Variants in ASB13 observed in about 807,000 individuals in gnomAD.
ASB13 encodes the protein ankyrin repeat and SOCS box protein 13.
ASB13 carries 33 observed loss-of-function variants against 28.8 expected under a neutral mutation model. The ratio of observed to expected loss-of-function variants is 1.15; its 90% CI spans 0.87 to 1.53. The LOEUF (loss-of-function observed/expected upper bound fraction) is 1.53. Among genes scored for constraint, ASB13 ranks in the 40% most tolerant of loss-of-function variants. The pLI is 0.00. For missense variants in ASB13, 414 were observed against 390.1 expected, an observed-to-expected ratio of 1.06 and a Z score of -0.52; for synonymous variants, 182 against 172.9, an observed-to-expected ratio of 1.05 and a Z score of -0.41.
Position 5,642,064 on chromosome 10 carries a change from C to T in ASB13, c.518-103G>A. 1 of 1,149,384 alleles carries T rather than the reference C, an allele frequency of 8.7e-7. No individual in the cohort carries two copies. Among genetic ancestry groups the T allele is most frequent in the Non-Finnish European group, 1.2e-6 (1 of 806,526 alleles). 71.2% of individuals were successfully genotyped at this position (1,149,384 alleles called of 1,614,324 possible). A position where few individuals can be genotyped will look rare whatever the true frequency, so the allele number is the denominator to read the frequency against. On this transcript the variant is annotated intron_variant, in intron 4 of 5. Coordinates refer to ENST00000357700, the MANE Select transcript of ASB13 (RefSeq NM_024701.4). The surrounding 1 kb of genome is among the most constrained non-coding windows in gnomAD (Gnocchi z 4.1). ...ACACAGCACGGTGGCAGAAGCAATCCCCACCCAGAAGACAAAATCAGGACA... is the reference window on the plus strand; with the variant it reads ...ACACAGCACGGTGGCAGAAGCAATCTCCACCCAGAAGACAAAATCAGGACA...
chr10:5,662,565 G>GGAGAACAGAAGAGAAGAGAAGAGAA (rs1835187999), intron 1 of ASB13, among the ~76,000 whole-genome samples: 1 of 14,560 alleles, frequency 6.9e-5, no homozygotes, highest in Non-Finnish European at 1.3e-4. Flanking sequence ...GGAGGGGAGG[G>GGAGAACAGAAGAGAAGAGAAGAGAA]GAGAAGAGAA....
chr10:5,662,536 G>GAGGC (rs1455291280), intron 1 of ASB13, among the ~76,000 whole-genome samples: 1 of 49,376 alleles, frequency 2.0e-5, no homozygotes, highest in Admixed American at 1.5e-4. Context: ...TCGAGAAGGG[G>GAGGC]GGGGGAGGGG....
chr10:5,654,007 T>A (rs1835032028), intron 1 of ASB13, among the ~76,000 whole-genome samples: 1 of 152,012 alleles, frequency 6.6e-6, no homozygotes, highest in Admixed American at 6.6e-5. Context: ...CTTGTTGAAT[T>A]GCTCTGGCTA....
intron 1 of ASB13, among the ~76,000 whole-genome samples, chr10:5,662,867 C>T (rs576732959): frequency 1.3e-5 from 2 of 152,266 alleles, no homozygotes; most frequent in African/African-American, 4.8e-5. Flanking sequence ...ACGCATGGCA[C>T]TTAACCACTA....
At chr10:5,662,542 AGGGG>A (rs1835186377) in intron 1 of ASB13, among the ~76,000 whole-genome samples, 1 of 11,814 alleles carries the variant, frequency 8.5e-5, no homozygotes, top group African/African-American at 3.8e-4. Flanking sequence ...AGGGGGGGGG[AGGGG>A]AGGGGAGGGG....
intron 1 of ASB13, among the ~76,000 whole-genome samples, chr10:5,654,171 A>G (rs1181468933): frequency 7.3e-4 from 107 of 146,472 alleles, no homozygotes; most frequent in Non-Finnish European, 1.2e-3. Context: ...GTCTCAGTCA[A>G]TCATAGGGAT....
In ASB13 at chr10:5,641,165, A is replaced by G. The variant is rs1317929448; in HGVS notation, c.710-335T>C. Among the ~76,000 whole-genome samples the G allele has an allele frequency of 2.0e-5, 3 of 152,124 alleles. No individual in the cohort carries two copies. The highest frequency in any genetic ancestry group is 4.4e-5 in the Non-Finnish European group (3 of 68,000). On this transcript the variant is annotated intron_variant, in intron 5 of 5. Transcript: ENST00000357700. This position sits in a 1 kb window ranked among gnomAD's most constrained non-coding sequence, Gnocchi z 8.4. Reference sequence around the variant, plus strand: ...CACCCAGGCTGGAGTGCAGCGGCACAATCTCAGCTCACTGCAACCTCCGCC... The same window carrying G: ...CACCCAGGCTGGAGTGCAGCGGCACGATCTCAGCTCACTGCAACCTCCGCC...
Position 5,644,011 on chromosome 10 carries a change from T to C in ASB13, c.518-2050A>G, listed in dbSNP as rs1834846097. Among the ~76,000 whole-genome samples, 1 of 152,118 alleles carries C rather than the reference T, an allele frequency of 6.6e-6. No individual in the cohort carries two copies. Among genetic ancestry groups the C allele is most frequent in the South Asian group, 2.1e-4 (1 of 4,824 alleles). On this transcript the variant is annotated intron_variant, in intron 4 of 5. Transcript: ENST00000357700. The surrounding 1 kb of genome is among the most constrained non-coding windows in gnomAD (Gnocchi z 5.1). ...AATGTACATCTTTTCAAAATGTGTG[T>C]TTGGCATCATTTGATTGGGTGGAAG...
At chr10:5,653,257 G>A (rs564986864) in intron 1 of ASB13, among the ~76,000 whole-genome samples, 11 of 152,156 alleles carry the variant, frequency 7.2e-5, no homozygotes, top group South Asian at 4.1e-4. Flanking sequence ...AAGGGGCTCC[G>A]TCCTGTGGAC....
In ASB13 at chr10:5,641,534, G is replaced by A. The variant is rs1216966058; in HGVS notation, c.709+236C>T. On this transcript the variant is annotated intron_variant, in intron 5 of 5. Coordinates refer to ENST00000357700, the MANE Select transcript of ASB13 (RefSeq NM_024701.4). This position sits in a 1 kb window ranked among gnomAD's most constrained non-coding sequence, Gnocchi z 8.4. ...ACAGGAGGCACAGGTCTGGTGCCCG[G>A]GCAGGTGTCGGCCACAGCTTCTGCT... Among the ~76,000 whole-genome samples, 1 of 152,204 alleles carries A rather than the reference G, an allele frequency of 6.6e-6. No homozygotes were observed. Among genetic ancestry groups the A allele is most frequent in the Admixed American group, 6.5e-5 (1 of 15,286 alleles).
chr10:5,665,174 T>C (rs1000267994), intron 1 of ASB13, among the ~76,000 whole-genome samples: 3 of 152,230 alleles, frequency 2.0e-5, no homozygotes, highest in African/African-American at 7.2e-5. Context: ...CTAAATGTTT[T>C]GGTCGCGGTA....
At position 5,649,504 on chromosome 10, in the gene ASB13, T is replaced by C. The variant is rs1834951344; in HGVS notation, c.383-400A>G. ...CTTTCTTATGCAGGTCATCCTCCTG[T>C]GCACCACGGCAGCCGCCTCTCCTGC... On this transcript the variant is annotated intron_variant, in intron 3 of 5. Coordinates refer to ENST00000357700, the MANE Select transcript of ASB13 (RefSeq NM_024701.4). This position sits in a 1 kb window ranked among gnomAD's most constrained non-coding sequence, Gnocchi z 6.4. 6.7e-6 allele frequency among the ~76,000 whole-genome samples: 1 copy of C among 150,124 alleles called. No homozygotes were observed. The highest frequency in any genetic ancestry group is 2.4e-5 in the African/African-American group (1 of 40,962).
In ASB13 at chr10:5,649,686, C is replaced by T. The variant is rs928681523; in HGVS notation, c.383-582G>A. ...AATTACAGGCATGCACCACCGTGCC[C>T]GACTAATTTTTTTGTATTTTTAGTA... On this transcript the variant is annotated intron_variant, in intron 3 of 5. Transcript: ENST00000357700. This position sits in a 1 kb window ranked among gnomAD's most constrained non-coding sequence, Gnocchi z 6.4. Among the ~76,000 whole-genome samples, 7 of 151,706 alleles carry T rather than the reference C, an allele frequency of 4.6e-5. No homozygotes were observed. The East Asian group carries it at 5.8e-4, about 13-fold the overall frequency.
In ASB13 at chr10:5,650,531, C is replaced by T. The variant is rs1006917075; in HGVS notation, c.382+682G>A. Among the ~76,000 whole-genome samples, 1 of 152,200 alleles carries T rather than the reference C, an allele frequency of 6.6e-6. No homozygotes were observed. Among genetic ancestry groups the T allele is most frequent in the African/African-American group, 2.4e-5 (1 of 41,460 alleles). On this transcript the variant is annotated intron_variant, in intron 3 of 5. Coordinates refer to ENST00000357700, the MANE Select transcript of ASB13 (RefSeq NM_024701.4). The surrounding 1 kb of genome is among the most constrained non-coding windows in gnomAD (Gnocchi z 6.0). The stretch of plus-strand genomic sequence containing the variant: ...ATCCAAAGACAAAGGCCATGCTGGC[C>T]GGTCAAGATATAAGCCACAGTTTGC...
chr10:5,641,353 C>G lies in ASB13; in HGVS notation c.709+417G>C, dbSNP rs1464679857. On this transcript the variant is annotated intron_variant, in intron 5 of 5. Coordinates refer to ENST00000357700, the MANE Select transcript of ASB13 (RefSeq NM_024701.4). The surrounding 1 kb of genome is among the most constrained non-coding windows in gnomAD (Gnocchi z 8.4). ...CTGACCTCAGGTGATCTGCCCGCCT[C>G]AGCCTCCCAAAGTGCTGTGATTACA... 1.3e-5 allele frequency among the ~76,000 whole-genome samples: 2 copies of G among 152,192 alleles called. No individual in the cohort carries two copies. Among genetic ancestry groups the G allele is most frequent in the Admixed American group, 1.3e-4 (2 of 15,282 alleles).
rs186431913 is a variant in ASB13 at position 5,658,744 on chromosome 10, A to T, written c.44-5694T>A. On this transcript the variant is annotated intron_variant, in intron 1 of 5. Coordinates refer to ENST00000357700, the MANE Select transcript of ASB13 (RefSeq NM_024701.4). This position sits in a 1 kb window ranked among gnomAD's most constrained non-coding sequence, Gnocchi z 4.2. ...ACTACAATTAAAAATAGAAAAAAAA[A>T]ATTTTTAAGTAACCAGAAGCTGGAG... 0.012 allele frequency among the ~76,000 whole-genome samples: 1,758 copies of T among 152,220 alleles called. 46 individuals are homozygous for T. Among genetic ancestry groups the T allele is most frequent in the African/African-American group, 0.04 (1,679 of 41,516 alleles).
In ASB13 at chr10:5,657,781, C is replaced by T. The variant is rs112846965; in HGVS notation, c.44-4731G>A. ...AAGTGTCCAGTGGAATATTATTCAG[C>T]GTTGGGAATGAAGGAAATCCTGTCC... On this transcript the variant is annotated intron_variant, in intron 1 of 5. Transcript: ENST00000357700. Among the ~76,000 whole-genome samples the T allele has an allele frequency of 1.3e-3, 202 of 152,268 alleles. 4 individuals carry two copies. The highest frequency in any genetic ancestry group is 1.3e-3 in the African/African-American group (56 of 41,542).
At position 5,664,762 on chromosome 10, in the gene ASB13, C is replaced by T. The variant is rs1302473835; in HGVS notation, c.43+1747G>A. Reference sequence around the variant, plus strand: ...ATGGCATGATCTCAGCTCACTACAACCTCTGCCTATCAGGTTCAAGTGATT... The same window carrying T: ...ATGGCATGATCTCAGCTCACTACAATCTCTGCCTATCAGGTTCAAGTGATT... On this transcript the variant is annotated intron_variant, in intron 1 of 5. Coordinates refer to ENST00000357700, the MANE Select transcript of ASB13 (RefSeq NM_024701.4). The surrounding 1 kb of genome is among the most constrained non-coding windows in gnomAD (Gnocchi z 4.2). 1.3e-5 allele frequency among the ~76,000 whole-genome samples: 2 copies of T among 152,200 alleles called. No individual in the cohort carries two copies. The highest frequency in any genetic ancestry group is 2.9e-5 in the Non-Finnish European group (2 of 68,036).
intron 4 of ASB13, 36 bp downstream of exon 4, chr10:5,648,934 T>G (rs200284796): frequency 1.9e-5 from 31 of 1,607,134 alleles, no homozygotes; most frequent in African/African-American, 6.7e-5. Context: ...AAACACCCAC[T>G]CAGGTAAACA....
Sources: gnomAD v4.1 joint callset for allele counts (sites outside exome capture counted in the v4.1 genomes callset) on GRCh38, gnomAD v4.1.1 for gene constraint, Gnocchi (gnomAD v3.1) non-coding constraint, MANE v1.5 for transcripts, NCBI Gene and HGNC (gene_info 2026-07-23, HGNC 2026-07-21) for gene names.